The following EXOSC10 variants were observed in gnomAD, a reference collection of about 807,000 sequenced individuals.
EXOSC10 encodes the protein exosome complex component 10.
A neutral mutation model predicts 126.6 loss-of-function variants in EXOSC10; 94 were observed. That is an observed-to-expected ratio of 0.74 (90% confidence interval 0.63 to 0.88). The LOEUF is 0.88. Ranked by LOEUF, EXOSC10 falls within the 40% of genes least tolerant of loss-of-function variation. EXOSC10 has a pLI of 0.00. For synonymous variants in EXOSC10, 395 were observed against 400.8 expected (o/e 0.99, Z 0.17); for missense variants, 1,041 against 1,100.5 (o/e 0.95, Z 0.77).
chr1:11,081,631 T>C (rs1011134765), intron 10 of EXOSC10, among the ~76,000 whole-genome samples: 1 of 152,200 alleles, frequency 6.6e-6, no homozygotes, highest in Non-Finnish European at 1.5e-5. Flanking sequence ...TAGGCTGTTG[T>C]GAGGACTACA....
chr1:11,087,477 CA>C lies in EXOSC10; in HGVS notation c.1059del (p.Asn353LysfsTer20). ...ACGATGGCTGGGTCTGTGAGGCTCT[CA>C]TTGAGAATGTACATGTCACTTCGAA... ...LELRSDMYIL[N>X]ESLTDPAIVK... is the part of the protein sequence containing the mutation. On this transcript the variant is annotated frameshift_variant, in exon 9 of 25. Coordinates refer to ENST00000376936, the MANE Select transcript of EXOSC10 (RefSeq NM_001001998.3). LOFTEE classifies it high-confidence loss of function. 1 of 1,614,066 alleles carries C rather than the reference CA, an allele frequency of 6.2e-7. No individual in the cohort carries two copies. The highest frequency in any genetic ancestry group is 8.5e-7 in the Non-Finnish European group (1 of 1,180,022).
In EXOSC10 at chr1:11,081,272, C is replaced by T. The variant is rs531090146; in HGVS notation, c.1281-34G>A. On this transcript the variant is annotated intron_variant, in intron 10 of 24. Coordinates refer to ENST00000376936, the MANE Select transcript of EXOSC10 (RefSeq NM_001001998.3). The stretch of plus-strand genomic sequence containing the variant: ...GCAGAGGACAATGTTTTACTGATTG[C>T]CCCCAAGGACAGCAATTCAATTTGT... The T allele has an allele frequency of 2.6e-4, 411 of 1,606,518 alleles. 10 individuals are homozygous for T. In the South Asian group the frequency reaches 3.6e-3, roughly 14 times the overall value.
At chr1:11,091,658 C>T (rs528943843) in intron 3 of EXOSC10, 61 bp from the exon 4 acceptor site, 2 of 1,253,386 alleles carry the variant, frequency 1.6e-6, no homozygotes, top group Admixed American at 3.6e-5. Flanking sequence ...GAGTTAACTA[C>T]CTAACATTTT....
At chr1:11,083,690 A>C (rs1433312519) in intron 9 of EXOSC10, among the ~76,000 whole-genome samples, 1 of 151,866 alleles carries the variant, frequency 6.6e-6, no homozygotes, top group Non-Finnish European at 1.5e-5. Flanking sequence ...GGTTAGTTAC[A>C]TATGTATACA....
chr1:11,071,105 G>A (rs918458656), intron 20 of EXOSC10, 132 bp from the exon 21 acceptor site: 36 of 730,656 alleles, frequency 4.9e-5, no homozygotes, highest in South Asian at 1.9e-4. Context: ...TCAGGTCCCC[G>A]GTCCCCCATC....
intron 6 of EXOSC10, among the ~76,000 whole-genome samples, chr1:11,089,641 G>T (rs1429019034): frequency 6.8e-6 from 1 of 146,880 alleles, no homozygotes; most frequent in Admixed American, 6.7e-5. Context: ...AAAAAAGAAA[G>T]AAAGAAAGAA....
intron 3 of EXOSC10, 106 bp from the exon 4 acceptor site, chr1:11,091,703 G>T: frequency 1.2e-6 from 1 of 845,850 alleles, no homozygotes; most frequent in Non-Finnish European, 1.9e-6. Context: ...CTGTCACCCA[G>T]GCTGGAGTGC....
At chr1:11,092,324 C>T (rs552756366) in intron 3 of EXOSC10, among the ~76,000 whole-genome samples, 2 of 152,292 alleles carry the variant, frequency 1.3e-5, no homozygotes, top group Non-Finnish European at 2.9e-5. Flanking sequence ...AAGCGATTCT[C>T]CTGCCTCAGC....
Position 11,076,836 on chromosome 1 carries a change from A to G in EXOSC10, c.1986+6T>C. Reference sequence around the variant, plus strand: ...ATCACCTCAGTGAAGTTTCTGTGCTACTCACATTAAATAACGTGATGACAG... The same window carrying G: ...ATCACCTCAGTGAAGTTTCTGTGCTGCTCACATTAAATAACGTGATGACAG... On this transcript the variant is annotated splice_donor_region_variant and intron_variant, in intron 17 of 24. Transcript: ENST00000376936. The G allele has an allele frequency of 6.3e-7, 1 of 1,596,738 alleles. No homozygotes were observed. Among genetic ancestry groups the G allele is most frequent in the Non-Finnish European group, 8.6e-7 (1 of 1,165,956 alleles).
At chr1:11,097,150 C>A (rs1186831047) in intron 2 of EXOSC10, among the ~76,000 whole-genome samples, 5 of 151,874 alleles carry the variant, frequency 3.3e-5, no homozygotes, top group African/African-American at 1.2e-4. Flanking sequence ...GTGGAGGTTG[C>A]TGCGAGCCGA....
intron 17 of EXOSC10, among the ~76,000 whole-genome samples, chr1:11,074,615 AT>A (rs1318776378): frequency 6.6e-6 from 1 of 151,996 alleles, no homozygotes; most frequent in Admixed American, 6.6e-5. Flanking sequence ...GTTTCACCAT[AT>A]TGGCCAGGCT....
chr1:11,079,189 C>T (rs1234670911), intron 14 of EXOSC10, among the ~76,000 whole-genome samples: 3 of 151,246 alleles, frequency 2.0e-5, no homozygotes, highest in South Asian at 2.1e-4. Context: ...ATTAGCCAGG[C>T]GTGGTGGTGC....
Position 11,068,662 on chromosome 1 carries a change from G to A in EXOSC10, c.2533C>T (p.Gln845Ter). 1.9e-6 allele frequency: 3 copies of A among 1,614,182 alleles called. No individual in the cohort carries two copies. The highest frequency in any genetic ancestry group is 2.5e-6 in the Non-Finnish European group (3 of 1,180,006). ...KVSSQFDPNK[Q>*]TPSGKKCIAA... Reference sequence around the variant, plus strand: ...GTTCTTACCTTGCCAGACGGGGTCTGTTTATTTGGATCAAACTGAGAAGAA... The same window carrying A: ...GTTCTTACCTTGCCAGACGGGGTCTATTTATTTGGATCAAACTGAGAAGAA... The change falls in exon 23 of 25, where the codon CAG (glutamine) becomes TAG (stop). Residue 845 changes from glutamine (Q) to a stop codon, truncating the protein, a stop_gained. Coordinates refer to ENST00000376936, the MANE Select transcript of EXOSC10 (RefSeq NM_001001998.3). LOFTEE classifies it high-confidence loss of function.
intron 9 of EXOSC10, among the ~76,000 whole-genome samples, chr1:11,087,089 C>G (rs1640535951): frequency 6.6e-6 from 1 of 152,206 alleles, no homozygotes; most frequent in Non-Finnish European, 1.5e-5. Flanking sequence ...TCAGTCACAG[C>G]TTTCTACACT....
chr1:11,073,588 T>C (rs1289811426), intron 19 of EXOSC10, among the ~76,000 whole-genome samples: 2 of 152,072 alleles, frequency 1.3e-5, no homozygotes, highest in African/African-American at 4.8e-5. Flanking sequence ...AATCCCCTTT[T>C]CTTAGAAAGT....
rs114095347 is a variant in EXOSC10, at chr1:11,089,733, G to A, written c.758+821C>T. ...AACCCCCAACCCTTTGGGAGGGCAG[G>A]TTGGGAGGATGGCTGAGGTCAGAAA... On this transcript the variant is annotated intron_variant, in intron 6 of 24. Coordinates refer to ENST00000376936, the MANE Select transcript of EXOSC10 (RefSeq NM_001001998.3). 3.3e-3 allele frequency among the ~76,000 whole-genome samples: 505 copies of A among 152,260 alleles called. 6 individuals are homozygous for A. The highest frequency in any genetic ancestry group is 0.012 in the African/African-American group (488 of 41,576).
In EXOSC10 at chr1:11,081,087, G is replaced by T; in HGVS notation, c.1432C>A (p.Leu478Ile). 6.2e-7 allele frequency: 1 copy of T among 1,614,142 alleles called. No individual in the cohort carries two copies. The highest frequency in any genetic ancestry group is 1.1e-5 in the South Asian group (1 of 91,068). Residue 478 changes from leucine to isoleucine, a missense_variant, in exon 11 of 25, where the codon CTC (leucine) becomes ATC (isoleucine). Leu to Ile is a conservative substitution (Grantham distance 5). Coordinates refer to ENST00000376936, the MANE Select transcript of EXOSC10 (RefSeq NM_001001998.3). ...VVWQRSRDICLKKFIKPIFTD... is the reference protein window; with the variant it reads ...VVWQRSRDICIKKFIKPIFTD... ...TGACTGCGGCTGAGGTGTACCTTGA[G>T]GCAGATGTCCCTGCTCCGTTGCCAC...
At chr1:11,089,772 T>C (rs1038048648) in intron 6 of EXOSC10, among the ~76,000 whole-genome samples, 4 of 151,744 alleles carry the variant, frequency 2.6e-5, no homozygotes, top group Admixed American at 6.6e-5. Context: ...AAGACCAGAC[T>C]GGGCATACAG....
chr1:11,078,584 C>CAAA (rs933917114), intron 14 of EXOSC10, among the ~76,000 whole-genome samples: 3 of 151,834 alleles, frequency 2.0e-5, no homozygotes, highest in African/African-American at 4.8e-5. Context: ...ACAACAACAA[C>CAAA]AAAAAAAACA....
Sources: gnomAD v4.1 joint callset for allele counts (sites outside exome capture counted in the v4.1 genomes callset) on GRCh38, gnomAD v4.1.1 for gene constraint, MANE v1.5 for transcripts, NCBI Gene and HGNC (gene_info 2026-07-23, HGNC 2026-07-21) for gene names.